Variants in C2CD3 observed in about 807,000 individuals in gnomAD.
C2CD3 encodes C2 domain containing 3 centriole elongation regulator, also known as C2 domain-containing protein 3.
Under a neutral mutation model 234.0 loss-of-function variants are expected in C2CD3, and 148 were observed. The ratio of observed to expected loss-of-function variants is 0.63; its 90% CI spans 0.55 to 0.72. The LOEUF is 0.72. Ranked by LOEUF, C2CD3 falls within the 30% of genes least tolerant of loss-of-function variation. The probability of loss-of-function intolerance (pLI) is 0.00; values close to 1 mark genes in which losing one functional copy is unlikely to be tolerated. For missense variants in C2CD3, 2,577 were observed against 2,811.5 expected (o/e 0.92, Z 1.89); for synonymous variants, 1,000 against 1,035.4 (o/e 0.97, Z 0.66).
intron 25 of C2CD3, among the ~76,000 whole-genome samples, chr11:74,055,873 A>G (rs1225929246): frequency 6.6e-6 from 1 of 152,230 alleles, no homozygotes; most frequent in African/African-American, 2.4e-5. Flanking sequence ...GAAGAGATGA[A>G]ATCAGGATAT....
chr11:74,145,359 CTT>C (rs755185195), intron 3 of C2CD3, among the ~76,000 whole-genome samples: 25 of 152,072 alleles, frequency 1.6e-4, no homozygotes, highest in Non-Finnish European at 3.5e-4. Flanking sequence ...GCATGTATGT[CTT>C]CTTTTGAAAA....
chr11:74,070,974 C>G (rs1388033181), intron 24 of C2CD3: 1 of 152,162 alleles, frequency 6.6e-6, no homozygotes, highest in Admixed American at 6.5e-5. Context: ...CCCTGACCAC[C>G]CCATTAGCAA....
chr11:74,117,636 G>A (rs537364863), intron 9 of C2CD3, among the ~76,000 whole-genome samples: 10 of 152,024 alleles, frequency 6.6e-5, no homozygotes, highest in Middle Eastern at 3.4e-3. Context: ...ATTGGAGGCC[G>A]GGTGTGGTGG....
intron 20 of C2CD3, among the ~76,000 whole-genome samples, chr11:74,090,490 G>A (rs1366291335): frequency 1.3e-5 from 2 of 152,180 alleles, no homozygotes; most frequent in African/African-American, 2.4e-5. Context: ...AGACTGAAAG[G>A]AATGAAGTGA....
rs1251023620 is a variant in C2CD3, at chr11:74,109,033, C to T, written c.1962+1G>A. ...GCAAAGGCCAAAATCACTCAAAGTACCTTTTTCTGTGGAGTTTTCTTTACA... is the reference window on the plus strand; with the variant it reads ...GCAAAGGCCAAAATCACTCAAAGTATCTTTTTCTGTGGAGTTTTCTTTACA... On this transcript the variant is annotated splice_donor_variant, in intron 12 of 32. Transcript: ENST00000334126. LOFTEE classifies it high-confidence loss of function. 1 of 1,536,908 alleles carries T rather than the reference C, an allele frequency of 6.5e-7. No homozygotes were observed. Among genetic ancestry groups the T allele is most frequent in the Non-Finnish European group, 9.0e-7 (1 of 1,112,084 alleles).
chr11:74,031,365 C>T (rs78240222), intron 31 of C2CD3, among the ~76,000 whole-genome samples: 8,657 of 152,288 alleles, frequency 0.057, 787 homozygotes, highest in African/African-American at 0.2. Flanking sequence ...TGGACTCTAG[C>T]CACAGTGAAC....
chr11:74,152,119 G>C (rs1590949773), intron 3 of C2CD3, among the ~76,000 whole-genome samples: 1 of 152,082 alleles, frequency 6.6e-6, no homozygotes. Flanking sequence ...TCACATGCTG[G>C]CTCCTTGAAA....
chr11:74,085,643 A>G lies in C2CD3; in HGVS notation c.3885T>C (p.Ala1295=). The G allele has an allele frequency of 6.2e-7, 1 of 1,614,190 alleles. No individual in the cohort carries two copies. The highest frequency in any genetic ancestry group is 8.5e-7 in the Non-Finnish European group (1 of 1,180,032). Residue 1295 remains alanine (A), a synonymous_variant, in exon 21 of 33, where the codon GCT becomes GCC. Transcript: ENST00000334126. ...CTGACTTGGTATTTTCATGATAGAC[A>G]GCAAAAATAACTTCTGCAAACTCCA... ...ELLEFAEVIF[A]VYHENTKSAS...
intron 24 of C2CD3, among the ~76,000 whole-genome samples, chr11:74,068,024 C>T (rs539555434): frequency 9.9e-5 from 15 of 152,230 alleles, no homozygotes; most frequent in South Asian, 4.1e-4. Flanking sequence ...ATGGCTATGA[C>T]GAGAGCTTCT....
intron 7 of C2CD3, chr11:74,129,196 G>A (rs1410486420): frequency 4.0e-5 from 7 of 173,320 alleles, no homozygotes; most frequent in African/African-American, 1.5e-4. Context: ...CCTCCCTCCG[G>A]GACGGGGTGG....
intron 26 of C2CD3, among the ~76,000 whole-genome samples, chr11:74,052,177 C>T (rs866547244): frequency 4.6e-5 from 7 of 152,138 alleles, no homozygotes; most frequent in Non-Finnish European, 5.9e-5. Context: ...TCATTTATGA[C>T]CAGATCTTAG....
chr11:74,021,913 G>C (rs1010989611), intron 32 of C2CD3, among the ~76,000 whole-genome samples: 8 of 152,316 alleles, frequency 5.3e-5, no homozygotes, highest in African/African-American at 1.9e-4. Context: ...ATCACTTGAG[G>C]TCAGGAGTTC....
At chr11:74,088,167 G>A (rs1256819807) in intron 20 of C2CD3, among the ~76,000 whole-genome samples, 2 of 152,160 alleles carry the variant, frequency 1.3e-5, no homozygotes, top group Non-Finnish European at 2.9e-5. Context: ...TATACAAGTG[G>A]AAGTAATCAT....
chr11:74,151,502 T>C (rs892413798), intron 3 of C2CD3, among the ~76,000 whole-genome samples: 1 of 151,988 alleles, frequency 6.6e-6, no homozygotes, highest in Non-Finnish European at 1.5e-5. Context: ...AATTTTTGTA[T>C]TTTTTGTAGA....
In C2CD3 at chr11:74,032,741, T is replaced by A. The variant is rs1048971731; in HGVS notation, c.6809+610A>T. Among the ~76,000 whole-genome samples the A allele has an allele frequency of 3.9e-5, 6 of 152,000 alleles. No homozygotes were observed. The South Asian group carries it at 1.2e-3, about 32-fold the overall frequency. ...TTAGCTGGGTGTGATGCTGCATACC[T>A]GTAGTTCTAGCTACTTGCAAGGCTG... On this transcript the variant is annotated intron_variant, in intron 31 of 32. Transcript: ENST00000334126.
Position 74,057,538 on chromosome 11 carries a change from G to C in C2CD3, c.4958C>G (p.Pro1653Arg), listed in dbSNP as rs1954013147. 1 of 1,614,096 alleles carries C rather than the reference G, an allele frequency of 6.2e-7. No homozygotes were observed. The highest frequency in any genetic ancestry group is 8.5e-7 in the Non-Finnish European group (1 of 1,180,006). ...TATCGATACTTTCCGCTCTGTCAAG[G>C]GGCTCCCTGAAATAGAATAAAGTGC... is the stretch of plus-strand genomic sequence containing the variant. ...RAMHLSLKGS[P>R]LTERKVSIPS... Residue 1653 changes from proline to arginine, a missense_variant, in exon 25 of 33, where the codon CCC becomes CGC. By Grantham distance (103) the Pro-to-Arg change is moderately radical (BLOSUM62 -2). Coordinates refer to ENST00000334126, the MANE Select transcript of C2CD3 (RefSeq NM_001286577.2).
chr11:74,165,071 A>AAAAAT (rs1336215926), intron 2 of C2CD3, among the ~76,000 whole-genome samples: 2 of 152,368 alleles, frequency 1.3e-5, no homozygotes, highest in South Asian at 2.1e-4. Context: ...ACCTTTTCTC[A>AAAAAT]AAAATAAAAT....
intron 32 of C2CD3, among the ~76,000 whole-genome samples, 172 bp from the exon 33 acceptor site, chr11:74,013,697 G>C (rs573223444): frequency 9.8e-4 from 149 of 152,234 alleles, no homozygotes; most frequent in African/African-American, 3.5e-3. Flanking sequence ...CCCCATATGG[G>C]GGGTATATCA....
chr11:74,146,328 A>G (rs1272552982), intron 3 of C2CD3, among the ~76,000 whole-genome samples: 7 of 152,238 alleles, frequency 4.6e-5, no homozygotes, highest in Admixed American at 4.6e-4. Context: ...TGGTATGGCT[A>G]CAAACTTAAA....
Sources: gnomAD v4.1 joint callset for allele counts (sites outside exome capture counted in the v4.1 genomes callset) on GRCh38, gnomAD v4.1.1 for gene constraint, MANE v1.5 for transcripts, NCBI Gene and HGNC (gene_info 2026-07-23, HGNC 2026-07-21) for gene names.